GALNT13: variants seen among roughly 807,000 people sequenced by gnomAD.
GALNT13 encodes polypeptide N-acetylgalactosaminyltransferase 13.
In GALNT13, 28 loss-of-function variants were observed where a neutral mutation model predicts 64.2. The observed-to-expected ratio is 0.44, with a 90% confidence interval of 0.32 to 0.60. The LOEUF (loss-of-function observed/expected upper bound fraction) is 0.60. Among genes scored for constraint, GALNT13 ranks in the 20% least tolerant of loss-of-function variants. GALNT13 has a pLI of 0.05. For synonymous variants in GALNT13, 214 were observed against 224.6 expected (o/e 0.95, Z 0.42); for missense variants, 577 against 669.8 (o/e 0.86, Z 1.53).
chr2:153,702,789 A>G, the GALNT13 span, among the ~76,000 whole-genome samples: 2 of 152,182 alleles, frequency 1.3e-5, no homozygotes, highest in South Asian at 2.1e-4. Context: ...AGGTTAATAT[A>G]TGAGTCTGAT....
chr2:153,463,646 T>C, the GALNT13 span, among the ~76,000 whole-genome samples: 2 of 151,886 alleles, frequency 1.3e-5, no homozygotes, highest in African/African-American at 4.8e-5. Flanking sequence ...ATTAGAGGAA[T>C]GGAAAAGGAA....
chr2:153,975,798 A>G (rs954049183), intron 3 of GALNT13, among the ~76,000 whole-genome samples: 12 of 152,088 alleles, frequency 7.9e-5, no homozygotes, highest in Non-Finnish European at 1.8e-4. Flanking sequence ...AAATTTGCTA[A>G]GAGAGTAGGT....
the GALNT13 span, among the ~76,000 whole-genome samples, chr2:153,548,129 G>A: frequency 6.6e-6 from 1 of 152,084 alleles, no homozygotes; most frequent in South Asian, 2.1e-4. Flanking sequence ...TTTGCTATAT[G>A]GCATTGCCTT....
chr2:154,152,291 G>T lies in GALNT13; in HGVS notation c.311+11786G>T, dbSNP rs1272809456. 2.0e-5 allele frequency among the ~76,000 whole-genome samples: 3 copies of T among 151,978 alleles called. No homozygotes were observed. In the East Asian group the frequency reaches 5.8e-4, roughly 29 times the overall value. ...TCTTCTGGCTTGTAGAGTTTCTGCC[G>T]AGAGATCCGCTGTTAGTCTGATGGG... On this transcript the variant is annotated intron_variant, in intron 4 of 12. Coordinates refer to ENST00000392825, the MANE Select transcript of GALNT13 (RefSeq NM_052917.4).
chr2:154,056,484 T>A (rs1444420060), intron 3 of GALNT13, among the ~76,000 whole-genome samples: 3 of 152,150 alleles, frequency 2.0e-5, no homozygotes, highest in African/African-American at 7.2e-5. Flanking sequence ...GATCAAGTGC[T>A]TTTTATAGTA....
At chr2:153,280,990 G>A in the GALNT13 span, among the ~76,000 whole-genome samples, 1 of 152,134 alleles carries the variant, frequency 6.6e-6, no homozygotes, top group Non-Finnish European at 1.5e-5. Context: ...TTATTGTGTG[G>A]CTAAGTCTTT....
At chr2:153,476,756 G>T in the GALNT13 span, among the ~76,000 whole-genome samples, 2 of 152,126 alleles carry the variant, frequency 1.3e-5, no homozygotes. Context: ...ATATCACAAC[G>T]ACAGTAATGC....
intron 3 of GALNT13, among the ~76,000 whole-genome samples, chr2:153,977,318 C>T (rs1694142356): frequency 6.6e-6 from 1 of 152,102 alleles, no homozygotes; most frequent in African/African-American, 2.4e-5. Flanking sequence ...ATACCTGAGA[C>T]TGGACAATTT....
the GALNT13 span, among the ~76,000 whole-genome samples, chr2:153,671,725 C>T: frequency 6.6e-6 from 1 of 152,080 alleles, no homozygotes; most frequent in Admixed American, 6.6e-5. Context: ...TGTAAATGGG[C>T]TAAATGCTCC....
At chr2:153,138,259 C>A in the GALNT13 span, among the ~76,000 whole-genome samples, 6 of 152,018 alleles carry the variant, frequency 3.9e-5, no homozygotes, top group African/African-American at 1.4e-4. Context: ...TATGTCTATT[C>A]TAATCTGTAG....
chr2:154,253,680 A>T (rs941262111), intron 7 of GALNT13, among the ~76,000 whole-genome samples: 36 of 152,330 alleles, frequency 2.4e-4, no homozygotes, highest in African/African-American at 8.2e-4. Context: ...CTCCTATTAG[A>T]TGATAGAGCC....
At chr2:153,847,400 GCACACACA>G in the GALNT13 span, among the ~76,000 whole-genome samples, 1 of 149,952 alleles carries the variant, frequency 6.7e-6, no homozygotes, top group Non-Finnish European at 1.5e-5. Flanking sequence ...GTGCTCATGC[GCACACACA>G]CACACACACA....
At chr2:154,001,639 T>A (rs1695916991) in intron 3 of GALNT13, among the ~76,000 whole-genome samples, 1 of 152,022 alleles carries the variant, frequency 6.6e-6, no homozygotes, top group South Asian at 2.1e-4. Flanking sequence ...TAAACAATTA[T>A]GGTAGCTATT....
At chr2:153,931,770 C>G (rs191139705) in intron 2 of GALNT13, among the ~76,000 whole-genome samples, 4 of 152,066 alleles carry the variant, frequency 2.6e-5, no homozygotes, top group Admixed American at 1.3e-4. Flanking sequence ...GCTTTTACCT[C>G]TATGAGGATT....
chr2:153,077,149 G>C, the GALNT13 span, among the ~76,000 whole-genome samples: 1 of 151,690 alleles, frequency 6.6e-6, no homozygotes, highest in East Asian at 1.9e-4. Context: ...AAGGGGTTTT[G>C]CCATGTTGGC....
At chr2:154,385,637 A>G (rs1337303759) in intron 9 of GALNT13, among the ~76,000 whole-genome samples, 1 of 152,030 alleles carries the variant, frequency 6.6e-6, no homozygotes, top group Non-Finnish European at 1.5e-5. Context: ...CTTAATGAGA[A>G]TGTGTATCCA....
the GALNT13 span, among the ~76,000 whole-genome samples, chr2:153,346,834 G>A: frequency 6.6e-6 from 1 of 152,124 alleles, no homozygotes; most frequent in Non-Finnish European, 1.5e-5. Flanking sequence ...AATTCCCATT[G>A]TAATTCTATA....
chr2:153,695,233 C>T, the GALNT13 span, among the ~76,000 whole-genome samples: 1 of 152,158 alleles, frequency 6.6e-6, no homozygotes, highest in East Asian at 1.9e-4. Flanking sequence ...AAATTCTAGA[C>T]TCCCAGAGGA....
At chr2:153,652,333 G>A in the GALNT13 span, among the ~76,000 whole-genome samples, 1 of 151,874 alleles carries the variant, frequency 6.6e-6, no homozygotes, top group Non-Finnish European at 1.5e-5. Context: ...TAAATTTAGG[G>A]GCAGAGGCTG....
Sources: allele counts gnomAD v4.1 joint callset (sites outside exome capture counted in the v4.1 genomes callset), GRCh38; gene constraint gnomAD v4.1.1; transcripts MANE v1.5; gene names NCBI Gene and HGNC (gene_info 2026-07-23, HGNC 2026-07-21).